The following VTI1A variants were observed in gnomAD, a reference collection of about 807,000 sequenced individuals.
VTI1A encodes vesicle transport through interaction with t-SNAREs homolog 1A.
Under a neutral mutation model 34.9 loss-of-function variants are expected in VTI1A, and 22 were observed. That is an observed-to-expected ratio of 0.63 (90% CI 0.45 to 0.90). VTI1A has a LOEUF of 0.90. Ranked by LOEUF, VTI1A falls within the 40% of genes least tolerant of loss-of-function variation. VTI1A has a pLI of 0.00. For missense variants in VTI1A, 268 were observed against 275.6 expected, an observed-to-expected ratio of 0.97 and a Z score of 0.20; for synonymous variants, 87 against 97.3, an observed-to-expected ratio of 0.89 and a Z score of 0.62.
intron 5 of VTI1A, among the ~76,000 whole-genome samples, chr10:112,643,279 G>A (rs1254171158): frequency 1.3e-5 from 2 of 151,190 alleles, no homozygotes; most frequent in South Asian, 4.2e-4. Context: ...GATTACAGGT[G>A]TGAGCCACAG....
chr10:112,460,611 A>C, intron 2 of VTI1A, 29 bp downstream of exon 2: 1 of 1,550,944 alleles, frequency 6.4e-7, no homozygotes, highest in Non-Finnish European at 8.7e-7. Context: ...GTATTTTAAC[A>C]CACAGCCAGA....
At chr10:112,832,560 G>C in the VTI1A span, 1 of 152,272 alleles carries the variant, frequency 6.6e-6, no homozygotes, top group South Asian at 2.1e-4. Context: ...GGGCGGCACT[G>C]ACCCAAGTTG....
intron 7 of VTI1A, among the ~76,000 whole-genome samples, chr10:112,689,036 G>GT (rs1167295706): frequency 5.3e-5 from 8 of 152,170 alleles, no homozygotes; most frequent in African/African-American, 1.9e-4. Flanking sequence ...AGCACTCTCA[G>GT]TTTTGACAAC....
chr10:112,540,750 G>A (rs1405019924), intron 5 of VTI1A, among the ~76,000 whole-genome samples: 2 of 152,194 alleles, frequency 1.3e-5, no homozygotes, highest in Non-Finnish European at 2.9e-5. Context: ...TGACTGTGAT[G>A]TAAATTTAGG....
At chr10:112,830,849 A>ATTTTTTTTTTTTTTTTTT in the VTI1A span, among the ~76,000 whole-genome samples, 10 of 33,494 alleles carry the variant, frequency 3.0e-4, no homozygotes, top group Admixed American at 4.7e-4. Context: ...ATATATATAT[A>ATTTTTTTTTTTTTTTTTT]TTTTTTTTTT....
chr10:112,574,684 C>G (rs750392328), intron 5 of VTI1A, among the ~76,000 whole-genome samples: 11 of 152,156 alleles, frequency 7.2e-5, no homozygotes, highest in Non-Finnish European at 1.0e-4. Flanking sequence ...TGGAACCTAT[C>G]AAGTGATACA....
At chr10:112,686,689 C>A (rs1023807697) in intron 7 of VTI1A, among the ~76,000 whole-genome samples, 2 of 152,148 alleles carry the variant, frequency 1.3e-5, no homozygotes, top group African/African-American at 4.8e-5. Flanking sequence ...GCAAAGTCAG[C>A]CACGGTGTAA....
rs759645610 is a variant in VTI1A, at chr10:112,818,684, A to G, written c.*3301A>G. 3.3e-4 allele frequency: 70 copies of G among 209,000 alleles called. No homozygotes were observed. Among genetic ancestry groups the G allele is most frequent in the Admixed American group, 5.3e-4 (9 of 16,902 alleles). The allele number at this position is 209,000 out of a possible 1,614,324, so 12.9% of individuals were successfully genotyped here. A position where few individuals can be genotyped will look rare whatever the true frequency, so the allele number is the denominator to read the frequency against. On this transcript the variant is annotated 3_prime_UTR_variant, in exon 8 of 8. Coordinates refer to ENST00000393077, the MANE Select transcript of VTI1A (RefSeq NM_145206.4). ...TGTTTAGACGTTTTTATTTTCTTTC[A>G]TTATTAGTCCCCACCATTACGTTCA...
At chr10:112,650,098 C>T (rs1182345656) in intron 5 of VTI1A, among the ~76,000 whole-genome samples, 4 of 152,172 alleles carry the variant, frequency 2.6e-5, no homozygotes, top group Non-Finnish European at 5.9e-5. Context: ...AACTGTTTTA[C>T]TTTATAAGAT....
At chr10:112,677,320 T>C (rs147025329) in intron 7 of VTI1A, among the ~76,000 whole-genome samples, 1 of 152,314 alleles carries the variant, frequency 6.6e-6, no homozygotes, top group East Asian at 1.9e-4. Flanking sequence ...TCAAGCCTTC[T>C]TCACTCTCCC....
At chr10:112,538,388 C>T (rs1850734694) in intron 5 of VTI1A, 58 bp downstream of exon 5, 1 of 1,493,368 alleles carries the variant, frequency 6.7e-7, no homozygotes, top group Non-Finnish European at 9.3e-7. Flanking sequence ...CTTCACAACA[C>T]ATGACATTTC....
intron 2 of VTI1A, 52 bp from the exon 3 acceptor site, chr10:112,464,495 C>A: frequency 6.7e-7 from 1 of 1,490,838 alleles, no homozygotes; most frequent in South Asian, 1.2e-5. Flanking sequence ...AACATTTGTT[C>A]AAATAAGAAT....
intron 5 of VTI1A, among the ~76,000 whole-genome samples, chr10:112,594,521 G>A (rs1844541579): frequency 6.6e-6 from 1 of 151,968 alleles, no homozygotes; most frequent in African/African-American, 2.4e-5. Context: ...ACCAATAACA[G>A]ACAAACAGAG....
At chr10:112,548,033 A>G (rs1851201992) in intron 5 of VTI1A, among the ~76,000 whole-genome samples, 1 of 152,196 alleles carries the variant, frequency 6.6e-6, no homozygotes, top group Admixed American at 6.5e-5. Context: ...AGCTGAACAA[A>G]TGCATTTAAA....
At chr10:112,554,647 TCTC>T (rs1370428582) in intron 5 of VTI1A, among the ~76,000 whole-genome samples, 1 of 152,144 alleles carries the variant, frequency 6.6e-6, no homozygotes, top group Non-Finnish European at 1.5e-5. Flanking sequence ...AAACCTGACT[TCTC>T]TTTTTTAATT....
At chr10:112,748,939 T>C (rs1314828916) in intron 7 of VTI1A, among the ~76,000 whole-genome samples, 1 of 152,212 alleles carries the variant, frequency 6.6e-6, no homozygotes, top group Non-Finnish European at 1.5e-5. Flanking sequence ...GAAAATGTTT[T>C]GTCTTACATG....
At chr10:112,527,791 A>C (rs1589864513) in intron 4 of VTI1A, among the ~76,000 whole-genome samples, 1 of 151,862 alleles carries the variant, frequency 6.6e-6, no homozygotes, top group African/African-American at 2.4e-5. Flanking sequence ...AATAAGATAC[A>C]GTTTCTTCTT....
the VTI1A span, among the ~76,000 whole-genome samples, chr10:112,830,849 A>ATATTTTTTTTTTTTTTT: frequency 3.0e-5 from 1 of 33,498 alleles, no homozygotes; most frequent in Non-Finnish European, 4.9e-5. Context: ...ATATATATAT[A>ATATTTTTTTTTTTTTTT]TTTTTTTTTT....
intron 4 of VTI1A, among the ~76,000 whole-genome samples, chr10:112,531,106 T>TGCGCGCGG: frequency 2.1e-5 from 1 of 47,722 alleles, no homozygotes; most frequent in African/African-American, 6.5e-5. Context: ...CACACACACG[T>TGCGCGCGG]GCGCACGTGC....
Sources: gnomAD v4.1 joint callset for allele counts (sites outside exome capture counted in the v4.1 genomes callset) on GRCh38, gnomAD v4.1.1 for gene constraint, MANE v1.5 for transcripts, NCBI Gene and HGNC (gene_info 2026-07-23, HGNC 2026-07-21) for gene names.